Variants in SCG3 observed in about 807,000 individuals in gnomAD.
The protein encoded by SCG3 is secretogranin III.
In SCG3, 38 loss-of-function variants were observed where a neutral mutation model predicts 56.2. The ratio of observed to expected loss-of-function variants is 0.68; its 90% CI spans 0.52 to 0.89. The LOEUF (loss-of-function observed/expected upper bound fraction) is 0.89, where lower values mean the gene tolerates loss of function less well. SCG3 is among the 40% of genes least tolerant of loss of function. SCG3 has a pLI of 0.00. For missense variants in SCG3, 524 were observed against 540.7 expected, an observed-to-expected ratio of 0.97 and a Z score of 0.31; for synonymous variants, 176 against 184.2, an observed-to-expected ratio of 0.96 and a Z score of 0.36.
At chr15:51,694,905 C>A (rs1456073036) in intron 7 of SCG3, among the ~76,000 whole-genome samples, 2 of 152,050 alleles carry the variant, frequency 1.3e-5, no homozygotes, top group East Asian at 3.9e-4. Context: ...GTGGCGCACG[C>A]CTATAATCCC....
intron 4 of SCG3, among the ~76,000 whole-genome samples, chr15:51,685,395 T>G (rs960903907): frequency 2.6e-5 from 4 of 152,256 alleles, no homozygotes; most frequent in Non-Finnish European, 5.9e-5. Context: ...GTTTTTGATC[T>G]GACCGCTAAT....
At chr15:51,681,943 C>G (rs2055197457) in intron 1 of SCG3, 106 bp downstream of exon 1, 2 of 800,106 alleles carry the variant, frequency 2.5e-6, no homozygotes, top group Non-Finnish European at 4.3e-6. Context: ...GTTTTCTGAT[C>G]AAATCATATC....
intron 10 of SCG3, among the ~76,000 whole-genome samples, chr15:51,701,752 A>C (rs911387485): frequency 1.3e-5 from 2 of 152,178 alleles, no homozygotes; most frequent in African/African-American, 4.8e-5. Context: ...CAAAAAATGC[A>C]AAAATTAGCC....
At position 51,719,263 on chromosome 15, in the gene SCG3, C is replaced by T. The variant is rs954070355; in HGVS notation, c.1289-145C>T. 28 of 632,834 alleles carry T rather than the reference C, an allele frequency of 4.4e-5. No individual in the cohort carries two copies. The Middle Eastern group carries it at 2.1e-3, about 47-fold the overall frequency. The allele number at this position is 632,834 out of a possible 1,614,324, so 39.2% of individuals were successfully genotyped here. A position where few individuals can be genotyped will look rare whatever the true frequency, so the allele number is the denominator to read the frequency against. On this transcript the variant is annotated intron_variant, in intron 11 of 11. Transcript: ENST00000220478. Reference sequence around the variant, plus strand: ...TATACTGCAAAGTACTACACAAATGCCAAGAATTAAAATGCCTCCCGATGT... The same window carrying T: ...TATACTGCAAAGTACTACACAAATGTCAAGAATTAAAATGCCTCCCGATGT...
At chr15:51,688,511 C>G (rs1414875685) in intron 5 of SCG3, 109 bp downstream of exon 5, 2 of 920,136 alleles carry the variant, frequency 2.2e-6, no homozygotes, top group Non-Finnish European at 3.3e-6. Flanking sequence ...TGTCTTCCTT[C>G]TACTAGGACC....
intron 10 of SCG3, among the ~76,000 whole-genome samples, chr15:51,712,737 T>C (rs1317374173): frequency 6.6e-6 from 1 of 152,186 alleles, no homozygotes; most frequent in East Asian, 1.9e-4. Context: ...AGTGTTTACA[T>C]CCTGGGGAGT....
chr15:51,714,816 T>C (rs1421531190), intron 11 of SCG3, among the ~76,000 whole-genome samples: 2 of 152,240 alleles, frequency 1.3e-5, no homozygotes, highest in Admixed American at 6.5e-5. Flanking sequence ...TCGATGTTCA[T>C]GCATACTTTA....
At chr15:51,701,657 C>T (rs369323373) in intron 10 of SCG3, among the ~76,000 whole-genome samples, 1 of 152,164 alleles carries the variant, frequency 6.6e-6, no homozygotes, top group South Asian at 2.1e-4. Flanking sequence ...GGCGCAGTGG[C>T]TCATGCCTGC....
At chr15:51,693,844 C>A (rs2055284572) in intron 7 of SCG3, 1 of 152,258 alleles carries the variant, frequency 6.6e-6, no homozygotes. Flanking sequence ...CATTGGTTGG[C>A]AGATGCCCTA....
intron 11 of SCG3, among the ~76,000 whole-genome samples, chr15:51,716,085 G>A (rs1307490212): frequency 1.3e-5 from 2 of 152,138 alleles, no homozygotes; most frequent in Non-Finnish European, 2.9e-5. Context: ...CCTCAATCTC[G>A]TGACCTCCTG....
chr15:51,717,467 A>C lies in SCG3; in HGVS notation c.1289-1941A>C, dbSNP rs1175107245. Among the ~76,000 whole-genome samples, 3 of 151,912 alleles carry C rather than the reference A, an allele frequency of 2.0e-5. No individual in the cohort carries two copies. In the East Asian group the frequency reaches 5.8e-4, roughly 29 times the overall value. ...GAGGATCACTTGAGCCCAGAAGTCCAAGGCTACAGTGAGCCATGATCATAC... is the reference window on the plus strand; with the variant it reads ...GAGGATCACTTGAGCCCAGAAGTCCCAGGCTACAGTGAGCCATGATCATAC... On this transcript the variant is annotated intron_variant, in intron 11 of 11. Coordinates refer to ENST00000220478, the MANE Select transcript of SCG3 (RefSeq NM_013243.4).
rs181242894 is a variant in SCG3 at position 51,688,248 on chromosome 15, C to T, written c.398-12C>T. On this transcript the variant is annotated splice_polypyrimidine_tract_variant and intron_variant, in intron 4 of 11. Coordinates refer to ENST00000220478, the MANE Select transcript of SCG3 (RefSeq NM_013243.4). ...GATCACTATGGTGTGAAGTTGTGGT[C>T]GTTCTGTCTAGATGATCCAGATGGT... 10 of 1,606,270 alleles carry T rather than the reference C, an allele frequency of 6.2e-6. No homozygotes were observed. Among genetic ancestry groups the T allele is most frequent in the East Asian group, 2.2e-5 (1 of 44,732 alleles).
At chr15:51,705,396 A>G (rs1015442240) in intron 10 of SCG3, among the ~76,000 whole-genome samples, 1 of 152,166 alleles carries the variant, frequency 6.6e-6, no homozygotes, top group African/African-American at 2.4e-5. Flanking sequence ...ACTATTGCCT[A>G]TTTAGGATGT....
rs775073152 is a variant in SCG3, at chr15:51,719,397, A to G, written c.1289-11A>G. On this transcript the variant is annotated splice_polypyrimidine_tract_variant and intron_variant, in intron 11 of 11. Coordinates refer to ENST00000220478, the MANE Select transcript of SCG3 (RefSeq NM_013243.4). ...GATCTTTGCTCATTATGCTCTAATA[A>G]TATTTTCCAGATTATGACCTTTCAA... 4.4e-6 allele frequency: 7 copies of G among 1,594,338 alleles called. No homozygotes were observed. The South Asian group carries it at 7.7e-5, about 18-fold the overall frequency.
At position 51,683,063 on chromosome 15, in the gene SCG3, C is replaced by A. The variant is rs976742043; in HGVS notation, c.136-16C>A. On this transcript the variant is annotated splice_polypyrimidine_tract_variant and intron_variant, in intron 2 of 11. Coordinates refer to ENST00000220478, the MANE Select transcript of SCG3 (RefSeq NM_013243.4). ...CAATGATTTTAAACCAAGTCTATCT[C>A]CTGTTTGCTTCACAGATTGCTGAAG... 2 of 1,604,400 alleles carry A rather than the reference C, an allele frequency of 1.2e-6. No individual in the cohort carries two copies. Among genetic ancestry groups the A allele is most frequent in the South Asian group, 1.1e-5 (1 of 90,196 alleles).
In SCG3 at chr15:51,682,567, C is replaced by A; in HGVS notation, c.133C>A (p.Gln45Lys). The A allele has an allele frequency of 7.1e-7, 1 of 1,415,520 alleles. No individual in the cohort carries two copies. Among genetic ancestry groups the A allele is most frequent in the South Asian group, 1.4e-5 (1 of 71,538 alleles). 87.7% of individuals were successfully genotyped at this position (1,415,520 alleles called of 1,614,324 possible). ...AAGTGCAGAAAGACCTTTGAATGAA[C>A]AGGTAGGTCAAAAGTAACATTATGA... ...ELSAERPLNE[Q>K]IAEAEEDKIK... The change falls in exon 2 of 12, where the codon CAG becomes AAG. Residue 45 changes from glutamine (Q) to lysine (K), a missense_variant and splice_region_variant. Coordinates refer to ENST00000220478, the MANE Select transcript of SCG3 (RefSeq NM_013243.4).
intron 10 of SCG3, among the ~76,000 whole-genome samples, chr15:51,704,273 ATAT>A (rs2055359184): frequency 2.2e-5 from 3 of 133,822 alleles, no homozygotes; most frequent in South Asian, 2.3e-4. Flanking sequence ...ATATATATAT[ATAT>A]ATAAAATAGC....
chr15:51,700,105 T>C (rs1261271629), intron 9 of SCG3, among the ~76,000 whole-genome samples: 1 of 152,244 alleles, frequency 6.6e-6, no homozygotes, highest in Non-Finnish European at 1.5e-5. Flanking sequence ...ATATTCTTGA[T>C]GGCATAGTAT....
At chr15:51,689,819 T>C (rs1456300) in intron 6 of SCG3, among the ~76,000 whole-genome samples, 72,427 of 151,882 alleles carry the variant, frequency 0.48, 18,394 homozygotes, top group Non-Finnish European at 0.56. Context: ...TTTAAAAATA[T>C]GTATATACAT....
Sources: gnomAD v4.1 joint callset for allele counts (sites outside exome capture counted in the v4.1 genomes callset) on GRCh38, gnomAD v4.1.1 for gene constraint, MANE v1.5 for transcripts, NCBI Gene and HGNC (gene_info 2026-07-23, HGNC 2026-07-21) for gene names.